Variants in MYPN observed in about 807,000 individuals in gnomAD.
MYPN encodes sarcomeric protein myopalladin, 145 kDa (MYOP).
A neutral mutation model predicts 129.4 loss-of-function variants in MYPN; 63 were observed. The ratio of observed to expected loss-of-function variants is 0.49; its 90% CI spans 0.40 to 0.60. The LOEUF is 0.60. Among genes scored for constraint, MYPN ranks in the 20% least tolerant of loss-of-function variants. The pLI, the probability that MYPN is intolerant of heterozygous loss-of-function variation, is 0.00. For synonymous variants in MYPN, 629 were observed against 600.9 expected, an observed-to-expected ratio of 1.05 and a Z score of -0.68; for missense variants, 1,596 against 1,635.4, an observed-to-expected ratio of 0.98 and a Z score of 0.42.
upstream of MYPN, among the ~76,000 whole-genome samples, chr10:68,108,421 C>T (rs976753443): frequency 1.3e-5 from 2 of 152,140 alleles, no homozygotes; most frequent in African/African-American, 4.8e-5. Context: ...ATTTTGTGCA[C>T]TGTTTTATAC....
intron 10 of MYPN, 53 bp from the exon 11 acceptor site, chr10:68,174,013 A>C: frequency 2.2e-6 from 3 of 1,350,324 alleles, no homozygotes; most frequent in Non-Finnish European, 2.1e-6. Context: ...TTGAAAGGTG[A>C]GGCCAATAAT....
intron 1 of MYPN, among the ~76,000 whole-genome samples, chr10:68,099,547 T>C (rs1194465559): frequency 6.6e-6 from 1 of 151,586 alleles, no homozygotes; most frequent in Admixed American, 6.6e-5. Flanking sequence ...GGCTAAGACA[T>C]GAGAATCACT....
At chr10:68,110,856 T>C (rs2042072026) in intron 1 of MYPN, among the ~76,000 whole-genome samples, 1 of 152,126 alleles carries the variant, frequency 6.6e-6, no homozygotes, top group South Asian at 2.1e-4. Flanking sequence ...AAATCTGAAA[T>C]ATATGGATAA....
rs2042912002 is a variant in MYPN, at chr10:68,158,157, G to A, written c.1318-329G>A. The A allele has an allele frequency of 4.1e-5, 11 of 269,800 alleles. No homozygotes were observed. The South Asian group carries it at 5.9e-4, about 14-fold the overall frequency. The allele number at this position is 269,800 out of a possible 1,614,324, so 16.7% of individuals were successfully genotyped here. ...TAATTCAGCTGATCAGGCTGGCTAT[G>A]CGGGTGCCCTTTTTCTCCCTCATTG... On this transcript the variant is annotated intron_variant, in intron 6 of 19. Coordinates refer to ENST00000358913, the MANE Select transcript of MYPN (RefSeq NM_032578.4).
chr10:68,133,801 A>G (rs1239589549), intron 2 of MYPN, among the ~76,000 whole-genome samples: 2 of 151,224 alleles, frequency 1.3e-5, no homozygotes, highest in African/African-American at 4.9e-5. Flanking sequence ...AGAGCAGCCA[A>G]TGTGTGCTGG....
chr10:68,149,046 C>T (rs575669082), intron 5 of MYPN, among the ~76,000 whole-genome samples: 25 of 152,010 alleles, frequency 1.6e-4, no homozygotes, highest in South Asian at 4.2e-4. Flanking sequence ...GGCAACATAG[C>T]GAGACCCTAT....
At chr10:68,163,453 C>T (rs573058250) in intron 8 of MYPN, among the ~76,000 whole-genome samples, 15 of 151,832 alleles carry the variant, frequency 9.9e-5, no homozygotes, top group Non-Finnish European at 8.8e-5. Flanking sequence ...GGTGAAACCC[C>T]GTCTCTACTA....
At chr10:68,185,228 AGAAAGGAAAG>A (rs201206002) in intron 12 of MYPN, among the ~76,000 whole-genome samples, 2 of 150,570 alleles carry the variant, frequency 1.3e-5, no homozygotes, top group African/African-American at 2.4e-5. Context: ...TGAAAAGAAA[AGAAAGGAAAG>A]GAAAGGAAAG....
intron 18 of MYPN, among the ~76,000 whole-genome samples, chr10:68,204,592 C>T (rs553581568): frequency 3.3e-5 from 5 of 152,140 alleles, no homozygotes; most frequent in African/African-American, 1.2e-4. Context: ...GTGGCATGTG[C>T]CTGTAATCCC....
chr10:68,127,319 C>CTTTTTTTTTTT (rs71470508), intron 2 of MYPN, among the ~76,000 whole-genome samples: 1 of 72,540 alleles, frequency 1.4e-5, no homozygotes, highest in Admixed American at 1.8e-4. Context: ...ACACATATAT[C>CTTTTTTTTTTT]TTTTTTTTTT....
At position 68,121,714 on chromosome 10, in the gene MYPN, T is replaced by C; in HGVS notation, c.276T>C (p.Asp92=). 1 of 1,614,154 alleles carries C rather than the reference T, an allele frequency of 6.2e-7. No individual in the cohort carries two copies. The highest frequency in any genetic ancestry group is 8.5e-7 in the Non-Finnish European group (1 of 1,180,016). The change falls in exon 2 of 20, where the codon GAT becomes GAC. Residue 92 remains aspartate, a synonymous_variant. Coordinates refer to ENST00000358913, the MANE Select transcript of MYPN (RefSeq NM_032578.4). ...AINYDPLEKA[D]ETQARKRLSP... is the part of the protein sequence containing the mutation. Reference sequence around the variant, plus strand: ...ATTACGACCCTTTGGAGAAGGCAGATGAAACTCAAGCTAGAAAACGACTTT... The same window carrying C: ...ATTACGACCCTTTGGAGAAGGCAGACGAAACTCAAGCTAGAAAACGACTTT...
intron 2 of MYPN, among the ~76,000 whole-genome samples, chr10:68,125,999 G>A (rs1465655918): frequency 1.3e-5 from 2 of 152,156 alleles, no homozygotes; most frequent in Admixed American, 6.5e-5. Flanking sequence ...AGGCAGTGGT[G>A]GCTTAAAAGA....
intron 10 of MYPN, among the ~76,000 whole-genome samples, chr10:68,169,221 T>A (rs1025638467): frequency 1.3e-4 from 18 of 138,562 alleles, no homozygotes; most frequent in Admixed American, 3.6e-4. Context: ...AGCCAGGTGT[T>A]GTGGCGGGCG....
intron 12 of MYPN, among the ~76,000 whole-genome samples, chr10:68,184,702 C>T (rs772738419): frequency 9.9e-5 from 15 of 152,170 alleles, no homozygotes; most frequent in Non-Finnish European, 7.4e-5. Flanking sequence ...CAGACAACAG[C>T]AGGGTTGGGT....
chr10:68,141,153 G>A (rs560673302), intron 2 of MYPN, among the ~76,000 whole-genome samples: 13 of 152,306 alleles, frequency 8.5e-5, no homozygotes, highest in Admixed American at 3.9e-4. Flanking sequence ...GGTGGATCAC[G>A]AGGTCAAGAG....
chr10:68,122,733 C>A (rs948299381), intron 2 of MYPN, among the ~76,000 whole-genome samples: 12 of 151,954 alleles, frequency 7.9e-5, no homozygotes, highest in Non-Finnish European at 1.6e-4. Flanking sequence ...GAAATCCCAT[C>A]TCTACTAAAA....
At chr10:68,155,128 C>T (rs945644300) in intron 6 of MYPN, among the ~76,000 whole-genome samples, 3 of 152,016 alleles carry the variant, frequency 2.0e-5, no homozygotes, top group Admixed American at 1.3e-4. Flanking sequence ...TTGCAGTGAC[C>T]CGAGATCATA....
chr10:68,142,839 T>A, intron 2 of MYPN, 101 bp from the exon 3 acceptor site: 1 of 1,143,288 alleles, frequency 8.7e-7, no homozygotes, highest in South Asian at 1.2e-5. Flanking sequence ...TTGTTGTTGT[T>A]CTGACTTCAA....
intron 2 of MYPN, among the ~76,000 whole-genome samples, chr10:68,135,184 C>T (rs979657599): frequency 1.3e-5 from 2 of 152,050 alleles, no homozygotes; most frequent in African/African-American, 4.8e-5. Flanking sequence ...AACCCCTGAC[C>T]TCAAGTGATC....
Sources: gnomAD v4.1 joint callset for allele counts (sites outside exome capture counted in the v4.1 genomes callset) on GRCh38, gnomAD v4.1.1 for gene constraint, MANE v1.5 for transcripts, NCBI Gene and HGNC (gene_info 2026-07-23, HGNC 2026-07-21) for gene names.